Variants in CSMD3 observed in about 807,000 individuals in gnomAD.
CSMD3 encodes the protein CUB and Sushi multiple domains 3.
Under a neutral mutation model 435.2 loss-of-function variants are expected in CSMD3, and 177 were observed. That is an observed-to-expected ratio of 0.41 (90% confidence interval 0.36 to 0.46). The LOEUF is 0.46. Ranked by LOEUF, CSMD3 falls within the 20% of genes least tolerant of loss-of-function variation. CSMD3 has a pLI of 0.34. For synonymous variants in CSMD3, 1,656 were observed against 1,520.5 expected, an observed-to-expected ratio of 1.09 and a Z score of -2.07; for missense variants, 4,265 against 4,504.6, an observed-to-expected ratio of 0.95 and a Z score of 1.52.
At chr8:112,530,992 G>T (rs1563665930) in intron 27 of CSMD3, among the ~76,000 whole-genome samples, 1 of 152,120 alleles carries the variant, frequency 6.6e-6, no homozygotes, top group Non-Finnish European at 1.5e-5. Flanking sequence ...AAGGCTGTGG[G>T]CTTATGATGC....
At chr8:113,334,262 C>T (rs2132793966) in intron 1 of CSMD3, among the ~76,000 whole-genome samples, 1 of 141,762 alleles carries the variant, frequency 7.1e-6, no homozygotes, top group South Asian at 2.3e-4. Flanking sequence ...ATATCTGCAA[C>T]TAGGGATAGT....
chr8:112,630,376 C>G (rs7828665), intron 22 of CSMD3, among the ~76,000 whole-genome samples: 73,917 of 151,828 alleles, frequency 0.49, 18,552 homozygotes, highest in African/African-American at 0.58. Context: ...ATGAACATGA[C>G]AGTCAGAAAG....
rs749009299 is a variant in CSMD3 at position 112,263,651 on chromosome 8, G to A, written c.9850C>T (p.Pro3284Ser). The A allele has an allele frequency of 1.2e-6, 2 of 1,613,346 alleles. No homozygotes were observed. The highest frequency in any genetic ancestry group is 1.1e-5 in the South Asian group (1 of 91,050). Residue 3284 changes from proline to serine, a missense_variant, in exon 61 of 71, where the codon CCG becomes TCG. Coordinates refer to ENST00000297405, the MANE Select transcript of CSMD3 (RefSeq NM_198123.2). ...AAATCATACTTACGTAAGCACTGCG[G>A]TACTTCACCACTCCAGGTACCATTC... ...VGNGTWSGEV[P>S]QCLPKFCGDP...
chr8:112,415,309 C>T (rs1184611831), intron 32 of CSMD3, among the ~76,000 whole-genome samples: 1 of 152,242 alleles, frequency 6.6e-6, no homozygotes, highest in Non-Finnish European at 1.5e-5. Context: ...TGAGCCATTA[C>T]TTCAAAGGGT....
At chr8:112,468,385 G>A (rs148040380) in intron 32 of CSMD3, among the ~76,000 whole-genome samples, 40 of 151,894 alleles carry the variant, frequency 2.6e-4, no homozygotes, top group African/African-American at 9.6e-4. Context: ...ATTACCTGCT[G>A]ATTTATACTC....
rs1298377535 is a variant in CSMD3 at position 113,250,569 on chromosome 8, G to A, written c.514+28023C>T. On this transcript the variant is annotated intron_variant, in intron 3 of 70. Transcript: ENST00000297405. ...CAAAAGATTCCATTAGATGCAGAGCGGAGTTTGGATTTAAAAGAAAAGAGA... is the reference window on the plus strand; with the variant it reads ...CAAAAGATTCCATTAGATGCAGAGCAGAGTTTGGATTTAAAAGAAAAGAGA... Among the ~76,000 whole-genome samples, 9 of 152,094 alleles carry A rather than the reference G, an allele frequency of 5.9e-5. No individual in the cohort carries two copies. In the South Asian group the frequency reaches 6.2e-4, roughly 11 times the overall value.
At position 112,306,034 on chromosome 8, in the gene CSMD3, T is replaced by C; in HGVS notation, c.8044A>G (p.Asn2682Asp). Reference sequence around the variant, plus strand: ...ACACAGCGAGGGGTCTTGTTATGATTGCTCCATGTTCCATCTGATTGGCAT... The same window carrying C: ...ACACAGCGAGGGGTCTTGTTATGATCGCTCCATGTTCCATCTGATTGGCAT... Reference protein sequence around the residue: ...AVCQSDGTWSNHNKTPRCVVV... With the variant: ...AVCQSDGTWSDHNKTPRCVVV... The change falls in exon 51 of 71, where the codon AAT becomes GAT. Residue 2682 changes from asparagine to aspartate, a missense_variant. Asn to Asp is a conservative substitution (Grantham distance 23, BLOSUM62 1). Coordinates refer to ENST00000297405, the MANE Select transcript of CSMD3 (RefSeq NM_198123.2). The C allele has an allele frequency of 6.2e-7, 1 of 1,613,882 alleles. No homozygotes were observed. The highest frequency in any genetic ancestry group is 8.5e-7 in the Non-Finnish European group (1 of 1,179,846).
intron 22 of CSMD3, among the ~76,000 whole-genome samples, chr8:112,610,443 A>G (rs1224386290): frequency 6.6e-6 from 1 of 152,094 alleles, no homozygotes; most frequent in Non-Finnish European, 1.5e-5. Context: ...CAACTGTCTA[A>G]TATTTCCCTA....
chr8:113,314,549 C>A, intron 2 of CSMD3, 22 bp downstream of exon 2: 1 of 1,372,068 alleles, frequency 7.3e-7, no homozygotes, highest in Non-Finnish European at 1.0e-6. Context: ...TCTCTCCAGT[C>A]TTCCATTCAA....
chr8:113,010,713 T>A (rs919984936), intron 6 of CSMD3, among the ~76,000 whole-genome samples: 5 of 151,620 alleles, frequency 3.3e-5, no homozygotes, highest in African/African-American at 1.2e-4. Context: ...AATAAATAAA[T>A]ATACAAACAA....
intron 49 of CSMD3, among the ~76,000 whole-genome samples, chr8:112,313,226 C>T (rs757108327): frequency 2.0e-5 from 3 of 152,124 alleles, no homozygotes; most frequent in Non-Finnish European, 4.4e-5. Context: ...TGTCATCTTG[C>T]TATTAACAAG....
intron 13 of CSMD3, among the ~76,000 whole-genome samples, chr8:112,742,912 G>A (rs2077344045): frequency 6.6e-6 from 1 of 151,992 alleles, no homozygotes; most frequent in Non-Finnish European, 1.5e-5. Context: ...TAGTCACACA[G>A]GGTCCACTCT....
intron 13 of CSMD3, among the ~76,000 whole-genome samples, chr8:112,799,647 TAAA>T (rs1359545013): frequency 6.6e-6 from 1 of 151,982 alleles, no homozygotes; most frequent in African/African-American, 2.4e-5. Context: ...AATATTTTGT[TAAA>T]CACACATAGT....
Position 113,368,286 on chromosome 8 carries a change from C to T in CSMD3, c.179-53493G>A, listed in dbSNP as rs559662749. ...TCCCATGCGATGTCAACCTCAGGAGCGATGTCTCAAGTTCCAAAGCCAGAT... is the reference window on the plus strand; with the variant it reads ...TCCCATGCGATGTCAACCTCAGGAGTGATGTCTCAAGTTCCAAAGCCAGAT... On this transcript the variant is annotated intron_variant, in intron 1 of 70. Transcript: ENST00000297405. Among the ~76,000 whole-genome samples the T allele has an allele frequency of 9.2e-5, 14 of 152,200 alleles. No individual in the cohort carries two copies. The East Asian group carries it at 1.5e-3, about 17-fold the overall frequency.
chr8:112,829,362 C>T (rs2079795023), intron 12 of CSMD3, among the ~76,000 whole-genome samples: 1 of 152,144 alleles, frequency 6.6e-6, no homozygotes, highest in Non-Finnish European at 1.5e-5. Flanking sequence ...GTTAGATGAG[C>T]AGGCCCTCAC....
intron 5 of CSMD3, among the ~76,000 whole-genome samples, chr8:113,062,211 T>C (rs1258158554): frequency 6.6e-6 from 1 of 151,880 alleles, no homozygotes; most frequent in Non-Finnish European, 1.5e-5. Flanking sequence ...AAAAGTTCAT[T>C]GTTTATTTAT....
chr8:112,234,579 TA>T (rs1162733848), intron 67 of CSMD3, 102 bp from the exon 68 acceptor site: 1 of 762,404 alleles, frequency 1.3e-6, no homozygotes, highest in South Asian at 1.5e-5. Flanking sequence ...GATATGTAAT[TA>T]AAAAAAGAAA....
intron 22 of CSMD3, among the ~76,000 whole-genome samples, chr8:112,590,339 T>C (rs553802537): frequency 6.6e-6 from 1 of 151,886 alleles, no homozygotes; most frequent in Non-Finnish European, 1.5e-5. Context: ...TCTGAAGTAC[T>C]GCAACTTGAA....
intron 4 of CSMD3, among the ~76,000 whole-genome samples, chr8:113,112,707 T>C (rs1356130170): frequency 6.6e-6 from 1 of 151,942 alleles, no homozygotes; most frequent in East Asian, 1.9e-4. Flanking sequence ...TCCCAAATAG[T>C]GCTAATCACA....
Sources: gnomAD v4.1 joint callset for allele counts (sites outside exome capture counted in the v4.1 genomes callset) on GRCh38, gnomAD v4.1.1 for gene constraint, MANE v1.5 for transcripts, NCBI Gene and HGNC (gene_info 2026-07-23, HGNC 2026-07-21) for gene names.